The following CDK14 variants were observed in gnomAD, a reference collection of about 807,000 sequenced individuals.
CDK14 encodes cyclin-dependent kinase 14.
Under a neutral mutation model 60.7 loss-of-function variants are expected in CDK14, and 34 were observed. That is an observed-to-expected ratio of 0.56 (90% CI 0.43 to 0.75). CDK14 has a LOEUF of 0.75. Ranked by LOEUF, CDK14 falls within the 30% of genes least tolerant of loss-of-function variation. The pLI is 0.00. For missense variants in CDK14, 482 were observed against 564.1 expected (o/e 0.85, Z 1.47); for synonymous variants, 197 against 203.7 (o/e 0.97, Z 0.28).
intron 11 of CDK14, among the ~76,000 whole-genome samples, chr7:91,073,330 A>G (rs1054041117): frequency 1.3e-5 from 2 of 152,246 alleles, no homozygotes; most frequent in Non-Finnish European, 2.9e-5. Context: ...CCTGCAAGCC[A>G]GAAGAGAGTG....
chr7:91,127,898 T>A (rs1409921783), intron 14 of CDK14, among the ~76,000 whole-genome samples: 1 of 152,194 alleles, frequency 6.6e-6, no homozygotes, highest in Non-Finnish European at 1.5e-5. Context: ...AACTCCAAAT[T>A]AAAGGCTTCC....
chr7:91,050,272 C>A (rs2116047888), intron 11 of CDK14, among the ~76,000 whole-genome samples: 1 of 152,068 alleles, frequency 6.6e-6, no homozygotes, highest in South Asian at 2.1e-4. Flanking sequence ...GAATTGGGGG[C>A]CAGAGAAGAA....
intron 10 of CDK14, among the ~76,000 whole-genome samples, chr7:90,998,444 T>A (rs2115734178): frequency 6.6e-6 from 1 of 152,350 alleles, no homozygotes; most frequent in African/African-American, 2.4e-5. Flanking sequence ...TCATCTTCTG[T>A]CAGTGAGACA....
At chr7:90,679,929 T>A (rs1310820500) in intron 2 of CDK14, among the ~76,000 whole-genome samples, 2 of 152,194 alleles carry the variant, frequency 1.3e-5, no homozygotes, top group Non-Finnish European at 2.9e-5. Flanking sequence ...CAAAAATGTG[T>A]TGTGGCTCTC....
chr7:90,781,949 T>G (rs1050837609), intron 4 of CDK14, among the ~76,000 whole-genome samples: 1 of 152,174 alleles, frequency 6.6e-6, no homozygotes, highest in East Asian at 1.9e-4. Context: ...TCCAATTCTG[T>G]GCAGAAAGTC....
chr7:90,646,480 C>T (rs1261416802), intron 2 of CDK14, among the ~76,000 whole-genome samples: 1 of 124,810 alleles, frequency 8.0e-6, no homozygotes, highest in African/African-American at 2.6e-5. Context: ...ATTAAGCTTT[C>T]CCCCTCACTT....
At chr7:90,803,732 C>T (rs1453062935) in intron 5 of CDK14, among the ~76,000 whole-genome samples, 1 of 152,020 alleles carries the variant, frequency 6.6e-6, no homozygotes, top group Non-Finnish European at 1.5e-5. Context: ...AAGTCATATT[C>T]GAGTATATGA....
intron 9 of CDK14, among the ~76,000 whole-genome samples, chr7:90,958,042 T>C (rs1308144839): frequency 6.6e-6 from 1 of 152,158 alleles, no homozygotes; most frequent in Non-Finnish European, 1.5e-5. Flanking sequence ...AACTGCAGTA[T>C]GTGTTGTTTA....
intron 8 of CDK14, among the ~76,000 whole-genome samples, chr7:90,928,757 C>G (rs1448170070): frequency 6.6e-6 from 1 of 152,222 alleles, no homozygotes; most frequent in Non-Finnish European, 1.5e-5. Flanking sequence ...AGCTGTCAGA[C>G]AGGGACGTTT....
At chr7:90,862,998 A>T (rs1791056870) in intron 5 of CDK14, among the ~76,000 whole-genome samples, 177 bp from the exon 6 acceptor site, 2 of 152,158 alleles carry the variant, frequency 1.3e-5, no homozygotes. Flanking sequence ...TGGGCAGCAT[A>T]GTGAGACCCC....
chr7:91,189,244 G>C (rs547839481), intron 14 of CDK14, among the ~76,000 whole-genome samples: 1 of 152,240 alleles, frequency 6.6e-6, no homozygotes, highest in South Asian at 2.1e-4. Context: ...TGCCCAGTAA[G>C]TCTAGCTTTT....
intron 10 of CDK14, among the ~76,000 whole-genome samples, chr7:90,993,972 ATGTATTGC>A (rs1234581515): frequency 1.3e-5 from 2 of 152,142 alleles, no homozygotes; most frequent in Admixed American, 1.3e-4. Context: ...ATTTAACCTA[ATGTATTGC>A]TGTTTAATAT....
intron 3 of CDK14, among the ~76,000 whole-genome samples, chr7:90,744,151 C>G (rs1803470447): frequency 6.6e-6 from 1 of 152,028 alleles, no homozygotes; most frequent in African/African-American, 2.4e-5. Flanking sequence ...GGCAGAGGAC[C>G]CTGCGGCCTT....
intron 3 of CDK14, among the ~76,000 whole-genome samples, chr7:90,733,718 G>A (rs189417896): frequency 6.6e-6 from 1 of 152,076 alleles, no homozygotes. Context: ...ACATGAGATG[G>A]GTCTCCTTAA....
intron 2 of CDK14, among the ~76,000 whole-genome samples, chr7:90,676,995 G>A (rs189240896): frequency 3.0e-4 from 45 of 151,846 alleles, no homozygotes; most frequent in African/African-American, 1.1e-3. Context: ...AAGAATGAAG[G>A]GAAGTAATGA....
At chr7:90,792,832 C>T (rs1251210343) in intron 5 of CDK14, among the ~76,000 whole-genome samples, 2 of 121,492 alleles carry the variant, frequency 1.6e-5, no homozygotes, top group African/African-American at 6.1e-5. Context: ...TGCTTCAAGT[C>T]CTATATGACT....
intron 2 of CDK14, among the ~76,000 whole-genome samples, chr7:90,673,916 TAAG>T (rs2116540701): frequency 6.6e-6 from 1 of 152,328 alleles, no homozygotes; most frequent in African/African-American, 2.4e-5. Flanking sequence ...AAGGACCTAA[TAAG>T]CTGAGTTAAC....
intron 2 of CDK14, among the ~76,000 whole-genome samples, chr7:90,671,147 T>C (rs1801089960): frequency 6.6e-6 from 1 of 152,124 alleles, no homozygotes; most frequent in Admixed American, 6.5e-5. Flanking sequence ...TGGTGCTCTC[T>C]GTGTCTGTTC....
intron 10 of CDK14, among the ~76,000 whole-genome samples, chr7:90,985,897 C>T (rs950966839): frequency 6.6e-6 from 1 of 151,968 alleles, no homozygotes; most frequent in Non-Finnish European, 1.5e-5. Flanking sequence ...TATAAATTCC[C>T]ACACACAAAT....
Sources: gnomAD v4.1 joint callset for allele counts (sites outside exome capture counted in the v4.1 genomes callset) on GRCh38, gnomAD v4.1.1 for gene constraint, MANE v1.5 for transcripts, NCBI Gene and HGNC (gene_info 2026-07-23, HGNC 2026-07-21) for gene names.